Variants in ARHGAP24 observed in about 807,000 individuals in gnomAD.
The protein encoded by ARHGAP24 is rho GTPase-activating protein 24.
Under a neutral mutation model 76.4 loss-of-function variants are expected in ARHGAP24, and 50 were observed. That is an observed-to-expected ratio of 0.65 (90% CI 0.52 to 0.83). The LOEUF (loss-of-function observed/expected upper bound fraction) is 0.83, where lower values mean the gene tolerates loss of function less well. Ranked by LOEUF, ARHGAP24 falls within the 40% of genes least tolerant of loss-of-function variation. ARHGAP24 has a pLI of 0.00. For synonymous variants in ARHGAP24, 345 were observed against 323.3 expected (o/e 1.07, Z -0.72); for missense variants, 930 against 914.2 (o/e 1.02, Z -0.22).
chr4:85,546,179 G>A (rs1994072), intron 1 of ARHGAP24, among the ~76,000 whole-genome samples: 18,495 of 151,940 alleles, frequency 0.12, 3,192 homozygotes, highest in African/African-American at 0.38. Context: ...ATGAATTTAC[G>A]TACACACACC....
chr4:85,604,967 G>A (rs2109990762), intron 2 of ARHGAP24, among the ~76,000 whole-genome samples: 1 of 152,352 alleles, frequency 6.6e-6, no homozygotes, highest in South Asian at 2.1e-4. Flanking sequence ...GCCTCCCAAA[G>A]TGCTGGGATT....
intron 3 of ARHGAP24, among the ~76,000 whole-genome samples, chr4:85,736,014 C>A (rs72656262): frequency 6.6e-6 from 1 of 152,068 alleles, no homozygotes; most frequent in Non-Finnish European, 1.5e-5. Flanking sequence ...TTGAGTTTCT[C>A]AAATGTGCAA....
In ARHGAP24 at chr4:85,778,766, G is replaced by A. The variant is rs867163305; in HGVS notation, c.268+56794G>A. On this transcript the variant is annotated intron_variant, in intron 3 of 9. Transcript: ENST00000395184. The stretch of plus-strand genomic sequence containing the variant: ...AGAAAGAAAATTAGCTACAGGAAGA[G>A]TTTATATCCCCTTCTACAAGAAAAC... The A allele has an allele frequency of 9.1e-6, 9 of 985,242 alleles. No homozygotes were observed. In the Admixed American group the frequency reaches 2.5e-4, roughly 27 times the overall value. The allele number at this position is 985,242 out of a possible 1,614,324, so 61.0% of individuals were successfully genotyped here. A position where few individuals can be genotyped will look rare whatever the true frequency, so the allele number is the denominator to read the frequency against.
intron 3 of ARHGAP24, among the ~76,000 whole-genome samples, chr4:85,742,350 A>C (rs1052744218): frequency 6.6e-6 from 1 of 152,244 alleles, no homozygotes; most frequent in African/African-American, 2.4e-5. Context: ...AAGGAGGAGG[A>C]AAATAAGAAA....
intron 5 of ARHGAP24, among the ~76,000 whole-genome samples, chr4:85,969,245 A>G (rs1174113690): frequency 6.6e-6 from 1 of 152,168 alleles, no homozygotes; most frequent in Non-Finnish European, 1.5e-5. Context: ...GCAAAACAGT[A>G]AAGTGCTAAG....
chr4:85,660,019 G>A (rs1722318943), intron 2 of ARHGAP24, among the ~76,000 whole-genome samples: 2 of 152,186 alleles, frequency 1.3e-5, no homozygotes, highest in Non-Finnish European at 2.9e-5. Context: ...TTGCTAGGGG[G>A]AGTTGCCCTT....
At chr4:85,765,884 A>G (rs115650800) in intron 3 of ARHGAP24, among the ~76,000 whole-genome samples, 2,254 of 152,322 alleles carry the variant, frequency 0.015, 51 homozygotes, top group African/African-American at 0.051. Flanking sequence ...CCGAGGAACA[A>G]TAAATTTACA....
chr4:85,731,650 T>C (rs1315289050), intron 3 of ARHGAP24, among the ~76,000 whole-genome samples: 1 of 152,154 alleles, frequency 6.6e-6, no homozygotes, highest in Non-Finnish European at 1.5e-5. Flanking sequence ...ACATTATAGC[T>C]AGATAGGAGG....
intron 3 of ARHGAP24, among the ~76,000 whole-genome samples, chr4:85,734,636 A>ATTTTTTTTTT (rs34647342): frequency 2.0e-5 from 2 of 101,956 alleles, no homozygotes; most frequent in Non-Finnish European, 3.8e-5. Flanking sequence ...AATTCAGGGA[A>ATTTTTTTTTT]TTTTTTTTTT....
chr4:85,894,094 T>G (rs1578354720), intron 3 of ARHGAP24, among the ~76,000 whole-genome samples: 2 of 16,998 alleles, frequency 1.2e-4, no homozygotes, highest in African/African-American at 1.6e-4. Context: ...AAACTTAGAG[T>G]ATAATAAAAA....
intron 2 of ARHGAP24, among the ~76,000 whole-genome samples, chr4:85,694,840 T>G (rs1723811886): frequency 6.6e-6 from 1 of 152,224 alleles, no homozygotes; most frequent in Non-Finnish European, 1.5e-5. Context: ...ATCTTCATCT[T>G]GATATTGCTT....
chr4:85,510,788 C>G (rs1724250332), intron 1 of ARHGAP24, among the ~76,000 whole-genome samples: 1 of 147,710 alleles, frequency 6.8e-6, no homozygotes, highest in Non-Finnish European at 1.5e-5. Flanking sequence ...TCCCCCTCCT[C>G]TAGCCCCTCC....
intron 3 of ARHGAP24, among the ~76,000 whole-genome samples, chr4:85,797,623 A>G (rs1728418610): frequency 1.3e-5 from 2 of 152,226 alleles, no homozygotes; most frequent in South Asian, 4.1e-4. Context: ...TCTTCTGGGT[A>G]GTTTCATTCT....
intron 2 of ARHGAP24, among the ~76,000 whole-genome samples, chr4:85,644,335 G>T (rs1721640859): frequency 6.6e-6 from 1 of 152,092 alleles, no homozygotes; most frequent in Non-Finnish European, 1.5e-5. Context: ...TTGGTTTTAA[G>T]ACTGAGATCT....
chr4:85,590,944 T>C (rs1728069867), intron 2 of ARHGAP24, among the ~76,000 whole-genome samples: 1 of 151,844 alleles, frequency 6.6e-6, no homozygotes, highest in Non-Finnish European at 1.5e-5. Context: ...CCATCAGTCT[T>C]AGTTTTCATA....
At chr4:85,960,907 A>G (rs1353443972) in intron 5 of ARHGAP24, among the ~76,000 whole-genome samples, 3 of 152,164 alleles carry the variant, frequency 2.0e-5, no homozygotes, top group Non-Finnish European at 4.4e-5. Flanking sequence ...AAATGCTGTC[A>G]TGAATATCGA....
At chr4:85,518,655 T>C (rs1179938711) in intron 1 of ARHGAP24, among the ~76,000 whole-genome samples, 3 of 152,180 alleles carry the variant, frequency 2.0e-5, no homozygotes, top group Non-Finnish European at 4.4e-5. Context: ...CCTAGAATAA[T>C]AGTCACCAAT....
chr4:85,678,375 C>T (rs929345359), intron 2 of ARHGAP24, among the ~76,000 whole-genome samples: 25 of 152,088 alleles, frequency 1.6e-4, no homozygotes, highest in Non-Finnish European at 1.8e-4. Flanking sequence ...GTCTCTAAAA[C>T]AAACAAACAA....
intron 2 of ARHGAP24, among the ~76,000 whole-genome samples, chr4:85,677,606 A>AT (rs1197980697): frequency 6.6e-6 from 1 of 152,168 alleles, no homozygotes; most frequent in African/African-American, 2.4e-5. Context: ...CTTTTCATTT[A>AT]TTTTAATAGT....
Sources: allele counts gnomAD v4.1 joint callset (sites outside exome capture counted in the v4.1 genomes callset), GRCh38; gene constraint gnomAD v4.1.1; transcripts MANE v1.5; gene names NCBI Gene and HGNC (gene_info 2026-07-23, HGNC 2026-07-21).